The following WDR37 variants were observed in gnomAD, a reference collection of about 807,000 sequenced individuals.
WDR37 encodes WD repeat domain 37, also known as WD repeat-containing protein 37.
A neutral mutation model predicts 62.9 loss-of-function variants in WDR37; 19 were observed. The ratio of observed to expected loss-of-function variants is 0.30; its 90% CI spans 0.21 to 0.44. The LOEUF is 0.44. Among genes scored for constraint, WDR37 ranks in the 20% least tolerant of loss-of-function variants. The probability of loss-of-function intolerance (pLI) is 1.00; values close to 1 mark genes in which losing one functional copy is unlikely to be tolerated. For missense variants in WDR37, 474 were observed against 657.6 expected, an observed-to-expected ratio of 0.72 and a Z score of 3.05; for synonymous variants, 250 against 260.9, an observed-to-expected ratio of 0.96 and a Z score of 0.40.
At chr10:1,116,420 G>A (rs568626885) in intron 11 of WDR37, among the ~76,000 whole-genome samples, 3 of 152,160 alleles carry the variant, frequency 2.0e-5, no homozygotes, top group Admixed American at 6.5e-5. Context: ...CTGTGTGCAC[G>A]TAGTTTTGCT....
rs536906211 is a variant in WDR37, at chr10:1,105,719, A to C, written c.1103+452A>C. ...GAGAAGGTATACACATAGACGCGCA[A>C]ACACAGACATAGACCCTCAATCCAG... On this transcript the variant is annotated intron_variant, in intron 11 of 13. Coordinates refer to ENST00000263150, the MANE Select transcript of WDR37 (RefSeq NM_014023.4). This position sits in a 1 kb window ranked among gnomAD's most constrained non-coding sequence, Gnocchi z 5.3. Among the ~76,000 whole-genome samples, 3 of 152,066 alleles carry C rather than the reference A, an allele frequency of 2.0e-5. No individual in the cohort carries two copies. Among genetic ancestry groups the C allele is most frequent in the Non-Finnish European group, 4.4e-5 (3 of 68,024 alleles).
chr10:1,118,827 G>A (rs932335439), intron 11 of WDR37, among the ~76,000 whole-genome samples: 1 of 152,158 alleles, frequency 6.6e-6, no homozygotes, highest in Non-Finnish European at 1.5e-5. Flanking sequence ...TGATGGCCCC[G>A]CAGCCTGGGC....
intron 10 of WDR37, among the ~76,000 whole-genome samples, chr10:1,104,630 A>G: frequency 6.6e-6 from 1 of 152,058 alleles, no homozygotes; most frequent in East Asian, 1.9e-4. Context: ...TCCTATTTAC[A>G]GGCTCTGCCC....
chr10:1,104,629 C>T (rs1015994481), intron 10 of WDR37, among the ~76,000 whole-genome samples: 1 of 152,190 alleles, frequency 6.6e-6, no homozygotes, highest in African/African-American at 2.4e-5. Context: ...ATCCTATTTA[C>T]AGGCTCTGCC....
intron 13 of WDR37, among the ~76,000 whole-genome samples, chr10:1,126,815 C>T (rs1041755348): frequency 2.0e-5 from 3 of 152,258 alleles, no homozygotes; most frequent in Non-Finnish European, 4.4e-5. Flanking sequence ...TTCCCTGAGA[C>T]CGGGTGTCTC....
At chr10:1,074,650 T>C (rs1407870368) in intron 2 of WDR37, 2 of 652,252 alleles carry the variant, frequency 3.1e-6, no homozygotes, top group Non-Finnish European at 4.7e-6. Flanking sequence ...GCATGGTAGG[T>C]GTGAGGGGGG....
chr10:1,058,883 A>G (rs1431537015), intron 1 of WDR37, among the ~76,000 whole-genome samples: 1 of 152,212 alleles, frequency 6.6e-6, no homozygotes, highest in Non-Finnish European at 1.5e-5. Flanking sequence ...TGCAATTTTC[A>G]ATTTATTTCT....
chr10:1,118,776 C>T (rs918192249), intron 11 of WDR37, among the ~76,000 whole-genome samples: 2 of 152,192 alleles, frequency 1.3e-5, no homozygotes, highest in East Asian at 3.9e-4. Flanking sequence ...CATACCAGTG[C>T]TTTAGGAGTG....
intron 11 of WDR37, among the ~76,000 whole-genome samples, chr10:1,115,713 C>T (rs1079390): frequency 2.6e-5 from 4 of 152,114 alleles, no homozygotes; most frequent in African/African-American, 9.7e-5. Flanking sequence ...CGCATGTGGT[C>T]TCTAAATCAG....
intron 2 of WDR37, among the ~76,000 whole-genome samples, chr10:1,073,598 A>G (rs1403468360): frequency 6.6e-6 from 1 of 152,262 alleles, no homozygotes; most frequent in Non-Finnish European, 1.5e-5. Context: ...TAGGACTCCC[A>G]TAACATAATG....
At chr10:1,101,052 T>TGAGCC (rs1834780037) in intron 9 of WDR37, among the ~76,000 whole-genome samples, 1 of 152,232 alleles carries the variant, frequency 6.6e-6, no homozygotes, top group Non-Finnish European at 1.5e-5. Context: ...GCCTGTATTG[T>TGAGCC]TCTCTTACTG....
At position 1,109,213 on chromosome 10, in the gene WDR37, C is replaced by T. The variant is rs73580649; in HGVS notation, c.1103+3946C>T. 6.4e-3 allele frequency among the ~76,000 whole-genome samples: 977 copies of T among 152,266 alleles called. 12 individuals carry two copies. Among genetic ancestry groups the T allele is most frequent in the African/African-American group, 0.022 (933 of 41,536 alleles). The stretch of plus-strand genomic sequence containing the variant: ...GTCCCTCCTGGTGCCTTCAAGGTGC[C>T]TCTTGTGTTATTTAAGACCCTTCTA... On this transcript the variant is annotated intron_variant, in intron 11 of 13. Transcript: ENST00000263150.
At chr10:1,062,075 G>A (rs1490954700) in intron 1 of WDR37, among the ~76,000 whole-genome samples, 1 of 151,884 alleles carries the variant, frequency 6.6e-6, no homozygotes, top group African/African-American at 2.4e-5. Context: ...AGGAAGTGGT[G>A]ATAGGACCAA....
chr10:1,061,213 C>G (rs1833361927), intron 1 of WDR37, among the ~76,000 whole-genome samples: 1 of 152,156 alleles, frequency 6.6e-6, no homozygotes, highest in Non-Finnish European at 1.5e-5. Context: ...AGTCCACCAA[C>G]TTTCTTCCAG....
In WDR37 at chr10:1,105,227, C is replaced by T. The variant is rs1834964166; in HGVS notation, c.1063C>T (p.Pro355Ser). 2 of 1,614,064 alleles carry T rather than the reference C, an allele frequency of 1.2e-6. No individual in the cohort carries two copies. The highest frequency in any genetic ancestry group is 1.7e-6 in the Non-Finnish European group (2 of 1,180,016). ...TTTCCGCCTCTGGGATTTCAGGGAC[C>T]CCTCCATCCACTCGGTGAATGTTTT... The part of the protein sequence containing the change: ...TTFRLWDFRD[P>S]SIHSVNVFQG... Residue 355 changes from proline to serine, a missense_variant, in exon 11 of 14, where the codon CCC (proline) becomes TCC (serine). Coordinates refer to ENST00000263150, the MANE Select transcript of WDR37 (RefSeq NM_014023.4). The surrounding 1 kb of genome is among the most constrained non-coding windows in gnomAD (Gnocchi z 5.3).
rs539938926 is a variant in WDR37 at position 1,084,824 on chromosome 10, G to A, written c.532+286G>A. ...ATTCCATGCTCCCATGAATAGATGTGCATCTGCACCCTGTCTTTTCCAGGT... is the reference window on the plus strand; with the variant it reads ...ATTCCATGCTCCCATGAATAGATGTACATCTGCACCCTGTCTTTTCCAGGT... On this transcript the variant is annotated intron_variant, in intron 6 of 13. Transcript: ENST00000263150. 3.9e-5 allele frequency among the ~76,000 whole-genome samples: 6 copies of A among 152,342 alleles called. No individual in the cohort carries two copies. In the East Asian group the frequency reaches 1.2e-3, roughly 29 times the overall value.
At chr10:1,106,060 C>T (rs1198638280) in intron 11 of WDR37, among the ~76,000 whole-genome samples, 1 of 152,114 alleles carries the variant, frequency 6.6e-6, no homozygotes, top group Non-Finnish European at 1.5e-5. Context: ...GCTGGGATTA[C>T]AGGCGTGAGC....
chr10:1,079,076 C>G (rs926472565), intron 3 of WDR37, among the ~76,000 whole-genome samples: 1 of 139,730 alleles, frequency 7.2e-6, no homozygotes, highest in African/African-American at 2.6e-5. Context: ...AGGGAAAAAT[C>G]ATTTCAACTT....
intron 8 of WDR37, among the ~76,000 whole-genome samples, chr10:1,095,801 T>C (rs964488457): frequency 2.0e-5 from 3 of 152,224 alleles, no homozygotes; most frequent in African/African-American, 7.2e-5. Flanking sequence ...AGTGTCGCTT[T>C]CCCGAACGTC....
Sources: allele counts gnomAD v4.1 joint callset (sites outside exome capture counted in the v4.1 genomes callset), GRCh38; gene constraint gnomAD v4.1.1; non-coding constraint Gnocchi (gnomAD v3.1); transcripts MANE v1.5; gene names NCBI Gene and HGNC (gene_info 2026-07-23, HGNC 2026-07-21).